ARGFX: variants seen among roughly 807,000 people sequenced by gnomAD.
The protein encoded by ARGFX is arginine-fifty homeobox.
Under a neutral mutation model 8.0 loss-of-function variants are expected in ARGFX, and 10 were observed. The ratio of observed to expected loss-of-function variants is 1.25; its 90% confidence interval spans 0.77 to 2.12. The LOEUF (loss-of-function observed/expected upper bound fraction) is 2.12, where lower values mean the gene tolerates loss of function less well. Ranked by LOEUF, ARGFX falls within the 30% of genes most tolerant of loss-of-function variation. ARGFX has a pLI of 0.00. For missense variants in ARGFX, 282 were observed against 324.3 expected (o/e 0.87, Z 1.00); for synonymous variants, 116 against 117.8 (o/e 0.98, Z 0.10).
At chr3:121,583,354 AC>A (rs565520095) in intron 3 of ARGFX, among the ~76,000 whole-genome samples, 402 of 151,156 alleles carry the variant, frequency 2.7e-3, no homozygotes, top group Middle Eastern at 0.01. Flanking sequence ...TAAAGAAAAA[AC>A]CCTTTTCCTT....
intron 1 of ARGFX, among the ~76,000 whole-genome samples, chr3:121,568,285 C>A (rs1284090783): frequency 6.6e-6 from 1 of 152,164 alleles, no homozygotes; most frequent in African/African-American, 2.4e-5. Flanking sequence ...TCTGTGTTAG[C>A]CAGGCCTTTG....
At chr3:121,579,567 A>C (rs2048764820) in intron 3 of ARGFX, among the ~76,000 whole-genome samples, 1 of 152,162 alleles carries the variant, frequency 6.6e-6, no homozygotes, top group African/African-American at 2.4e-5. Context: ...TGTAGTCTGT[A>C]TCTCTTCTCA....
At position 121,588,531 on chromosome 3, in the gene ARGFX, C is replaced by T. The variant is rs1166829286; in HGVS notation, c.*1931C>T. On this transcript the variant is annotated 3_prime_UTR_variant, in exon 5 of 5. Coordinates refer to ENST00000334384, the MANE Select transcript of ARGFX (RefSeq NM_001012659.2). The stretch of plus-strand genomic sequence containing the variant: ...AAATAAAAGAAACATAAGATAAGTA[C>T]CTCTCAATGAAAAATGTAAAAGTAC... 6.6e-6 allele frequency among the ~76,000 whole-genome samples: 1 copy of T among 150,702 alleles called. No individual in the cohort carries two copies. The highest frequency in any genetic ancestry group is 1.5e-5 in the Non-Finnish European group (1 of 67,562).
In ARGFX at chr3:121,577,226, C is replaced by CATATAT. The variant is rs71133554; in HGVS notation, c.220+355_220+360dup. 3.4e-3 allele frequency among the ~76,000 whole-genome samples: 297 copies of CATATAT among 87,036 alleles called. 5 individuals carry two copies. Among genetic ancestry groups the CATATAT allele is most frequent in the South Asian group, 5.4e-3 (11 of 2,046 alleles). The allele number at this position is 87,036 out of a possible 152,430, so 57.1% of individuals were successfully genotyped here. On this transcript the variant is annotated intron_variant, in intron 3 of 4. Coordinates refer to ENST00000334384, the MANE Select transcript of ARGFX (RefSeq NM_001012659.2). Reference sequence around the variant, plus strand: ...GTATATATATATATATCTACATGTACATATATATATATATATATATATATA... The same window carrying CATATAT: ...GTATATATATATATATCTACATGTACATATATATATATATATATATATATATATATA...
At chr3:121,577,260 T>TATATATATATATATATA (rs1491494549) in intron 3 of ARGFX, among the ~76,000 whole-genome samples, 5 of 30,904 alleles carry the variant, frequency 1.6e-4, no homozygotes, top group African/African-American at 7.3e-4. Context: ...TATATATATA[T>TATATATATATATATATA]TTTTTTTTTT....
At chr3:121,574,253 C>G (rs759885058) in intron 2 of ARGFX, among the ~76,000 whole-genome samples, 1 of 152,162 alleles carries the variant, frequency 6.6e-6, no homozygotes, top group Non-Finnish European at 1.5e-5. Flanking sequence ...TTTTTGGCAC[C>G]AGGGACTGGT....
intron 2 of ARGFX, among the ~76,000 whole-genome samples, chr3:121,574,576 G>T: frequency 6.6e-6 from 1 of 152,170 alleles, no homozygotes; most frequent in East Asian, 1.9e-4. Context: ...AGAATCTAAT[G>T]CTACCAGCTG....
Position 121,579,940 on chromosome 3 carries a change from C to CTTTTTTTTTT in ARGFX, c.220+3044_220+3045insTTTTTTTTTT, listed in dbSNP as rs1204013765. On this transcript the variant is annotated intron_variant, in intron 3 of 4. Coordinates refer to ENST00000334384, the MANE Select transcript of ARGFX (RefSeq NM_001012659.2). The stretch of plus-strand genomic sequence containing the variant: ...TCTTTCTTTCTTTTTCTTTTCTTTT[C>CTTTTTTTTTT]TTTTCTTTTTTTTTTTTTTTTTTTT... Among the ~76,000 whole-genome samples, 60 of 43,226 alleles carry CTTTTTTTTTT rather than the reference C, an allele frequency of 1.4e-3. 1 individual carries two copies. Among genetic ancestry groups the CTTTTTTTTTT allele is most frequent in the African/African-American group, 4.9e-3 (55 of 11,324 alleles). The allele number at this position is 43,226 out of a possible 152,430, so 28.4% of individuals were successfully genotyped here. A position where few individuals can be genotyped will look rare whatever the true frequency, so the allele number is the denominator to read the frequency against.
chr3:121,577,254 T>TAC (rs2048746893), intron 3 of ARGFX, among the ~76,000 whole-genome samples: 6 of 55,230 alleles, frequency 1.1e-4, no homozygotes, highest in Admixed American at 5.9e-4. Flanking sequence ...TATATATATA[T>TAC]ATATATTTTT....
intron 2 of ARGFX, 57 bp from the exon 3 acceptor site, chr3:121,576,712 TTTCTTTCTTTCTTTC>T: frequency 9.4e-6 from 1 of 106,220 alleles, no homozygotes; most frequent in Non-Finnish European, 2.1e-5. Context: ...TTTCTTTTTC[TTTCTTTCTTTCTTTC>T]TTTCTTTCTT....
chr3:121,581,149 G>A (rs1195789177), intron 3 of ARGFX, among the ~76,000 whole-genome samples: 1 of 152,072 alleles, frequency 6.6e-6, no homozygotes, highest in Non-Finnish European at 1.5e-5. Context: ...TGTATTTTTA[G>A]TAAAGATGGG....
At chr3:121,585,192 G>T in intron 4 of ARGFX, 127 bp downstream of exon 4, 1 of 1,082,704 alleles carries the variant, frequency 9.2e-7, no homozygotes, top group Non-Finnish European at 1.3e-6. Flanking sequence ...TACTGAAACG[G>T]TATCAAACTG....
Position 121,587,375 on chromosome 3 carries a change from C to T in ARGFX, c.*775C>T, listed in dbSNP as rs1481013647. Among the ~76,000 whole-genome samples the T allele has an allele frequency of 2.0e-5, 3 of 151,748 alleles. No individual in the cohort carries two copies. Among genetic ancestry groups the T allele is most frequent in the East Asian group, 3.9e-4 (2 of 5,156 alleles). ...CCAATTTTTGTGTTTTTTGTAGAGA[C>T]GAGGTTTTGCCATGTTGCCCAGGCT... On this transcript the variant is annotated 3_prime_UTR_variant, in exon 5 of 5. Transcript: ENST00000334384.
chr3:121,569,134 G>A (rs2048691696), intron 1 of ARGFX, among the ~76,000 whole-genome samples: 1 of 152,102 alleles, frequency 6.6e-6, no homozygotes, highest in African/African-American at 2.4e-5. Context: ...TTACATTTTA[G>A]TACTTTAGGG....
rs760712711 is a variant in ARGFX, at chr3:121,586,234, C to T, written c.582C>T (p.Thr194=). 1.2e-6 allele frequency: 2 copies of T among 1,614,036 alleles called. No homozygotes were observed. Among genetic ancestry groups the T allele is most frequent in the Non-Finnish European group, 1.7e-6 (2 of 1,179,948 alleles). Residue 194 remains threonine, a synonymous_variant, in exon 5 of 5, where the codon ACC becomes ACT. Coordinates refer to ENST00000334384, the MANE Select transcript of ARGFX (RefSeq NM_001012659.2). ...LDPSNWAWNS[T]FTESSTSDFQ... ...CTTCCAATTGGGCATGGAACTCTAC[C>T]TTCACTGAGAGTTCTACCAGTGACT...
Position 121,572,130 on chromosome 3 carries a change from C to T in ARGFX, c.103+1314C>T, listed in dbSNP as rs138480646. ...TATAGGCGTGAGCCACCACACCCGG[C>T]TGACTCCTGACCTTGTGATCCGCCT... On this transcript the variant is annotated intron_variant, in intron 2 of 4. Transcript: ENST00000334384. Among the ~76,000 whole-genome samples the T allele has an allele frequency of 7.5e-3, 1,137 of 152,038 alleles. 13 individuals are homozygous for T. The highest frequency in any genetic ancestry group is 0.026 in the African/African-American group (1,067 of 41,464).
chr3:121,583,358 TTTTCC>T (rs1394208780), intron 3 of ARGFX, among the ~76,000 whole-genome samples: 1 of 152,036 alleles, frequency 6.6e-6, no homozygotes, highest in Non-Finnish European at 1.5e-5. Flanking sequence ...GAAAAAACCC[TTTTCC>T]TTTCCATTGC....
At position 121,586,602 on chromosome 3, in the gene ARGFX, C is replaced by T. The variant is rs541978803; in HGVS notation, c.*2C>T. ...ATGGTAGACTTGGGATTTCTCTGAC[C>T]AGAGTACTAATAAATATAGATCATT... On this transcript the variant is annotated 3_prime_UTR_variant, in exon 5 of 5. Coordinates refer to ENST00000334384, the MANE Select transcript of ARGFX (RefSeq NM_001012659.2). 24 of 1,607,378 alleles carry T rather than the reference C, an allele frequency of 1.5e-5. No individual in the cohort carries two copies. The highest frequency in any genetic ancestry group is 2.0e-5 in the Non-Finnish European group (23 of 1,176,212).
intron 1 of ARGFX, among the ~76,000 whole-genome samples, 197 bp downstream of exon 1, chr3:121,568,210 G>C (rs778034023): frequency 6.6e-6 from 1 of 152,202 alleles, no homozygotes; most frequent in Non-Finnish European, 1.5e-5. Context: ...ATCAGGGAGT[G>C]AATGTGAGAC....
Sources: allele counts gnomAD v4.1 joint callset (sites outside exome capture counted in the v4.1 genomes callset), GRCh38; gene constraint gnomAD v4.1.1; transcripts MANE v1.5; gene names NCBI Gene and HGNC (gene_info 2026-07-23, HGNC 2026-07-21).